Variants in CSMD2 observed in about 807,000 individuals in gnomAD.
CSMD2 encodes the protein CUB and sushi domain-containing protein 2.
Under a neutral mutation model 398.5 loss-of-function variants are expected in CSMD2, and 130 were observed. The observed-to-expected ratio is 0.33, with a 90% CI of 0.28 to 0.38. The LOEUF (loss-of-function observed/expected upper bound fraction) is 0.38, where lower values mean the gene tolerates loss of function less well. Ranked by LOEUF, CSMD2 falls within the 10% of genes least tolerant of loss-of-function variation. The probability of loss-of-function intolerance (pLI) is 1.00; values close to 1 mark genes in which losing one functional copy is unlikely to be tolerated. For synonymous variants in CSMD2, 1,828 were observed against 1,908.5 expected (o/e 0.96, Z 1.10); for missense variants, 3,829 against 4,764.9 (o/e 0.80, Z 5.78).
At position 34,116,232 on chromosome 1, in the gene CSMD2, C is replaced by T. The variant is rs150321148; in HGVS notation, c.188-27039G>A. Among the ~76,000 whole-genome samples the T allele has an allele frequency of 8.3e-4, 126 of 152,002 alleles. 1 individual carries two copies. Among genetic ancestry groups the T allele is most frequent in the African/African-American group, 2.9e-3 (119 of 41,528 alleles). ...GACTCGTTTTAGACATAAGGACATA[C>T]ATAAATGAAAAGTAAAAGAACGGAC... On this transcript the variant is annotated intron_variant, in intron 1 of 70. Coordinates refer to ENST00000373381, the MANE Select transcript of CSMD2 (RefSeq NM_001281956.2).
intron 1 of CSMD2, among the ~76,000 whole-genome samples, chr1:34,139,420 C>G (rs1037720286): frequency 1.3e-5 from 2 of 152,150 alleles, no homozygotes; most frequent in African/African-American, 4.8e-5. Context: ...GACTTCTCAG[C>G]CTCCAGAATT....
chr1:33,993,559 T>G (rs1050579329), intron 3 of CSMD2, among the ~76,000 whole-genome samples: 3 of 148,344 alleles, frequency 2.0e-5, no homozygotes, highest in African/African-American at 7.4e-5. Flanking sequence ...TCAGCCAGCC[T>G]CTCCCTCTCT....
intron 1 of CSMD2, among the ~76,000 whole-genome samples, chr1:34,109,783 T>C (rs941272569): frequency 1.3e-5 from 2 of 151,994 alleles, no homozygotes; most frequent in Admixed American, 6.6e-5. Flanking sequence ...CTCATGCCTG[T>C]AATCTCAGCA....
At chr1:33,692,882 C>T (rs12757320) in intron 25 of CSMD2, 48 bp downstream of exon 25, 601,270 of 1,595,432 alleles carry the variant, frequency 0.38, 115,634 homozygotes, top group Middle Eastern at 0.52. Flanking sequence ...CTGATGATGG[C>T]TCCCCTGAAC....
At chr1:33,746,382 G>C (rs1254742409) in intron 13 of CSMD2, among the ~76,000 whole-genome samples, 1 of 152,170 alleles carries the variant, frequency 6.6e-6, no homozygotes, top group Non-Finnish European at 1.5e-5. Flanking sequence ...AGTTTCAGAG[G>C]GAAGATGGTC....
chr1:34,057,532 C>T lies in CSMD2; in HGVS notation c.405-24826G>A, dbSNP rs548399232. 1.7e-3 allele frequency among the ~76,000 whole-genome samples: 254 copies of T among 152,260 alleles called. 1 individual carries two copies. The highest frequency in any genetic ancestry group is 2.7e-3 in the Non-Finnish European group (184 of 68,020). On this transcript the variant is annotated intron_variant, in intron 2 of 70. Transcript: ENST00000373381. ...CACTGATTGGTGTCTCAGTCCCCGC[C>T]CCCTCCCGGCAGGCAGCTCAAAGGC...
rs79581570 is a variant in CSMD2 at position 33,880,470 on chromosome 1, G to A, written c.921-33474C>T. On this transcript the variant is annotated intron_variant, in intron 5 of 70. Coordinates refer to ENST00000373381, the MANE Select transcript of CSMD2 (RefSeq NM_001281956.2). ...CTCACAGATTCAGCACTTGGACAGA[G>A]CTAGGATTTTTGAGCTAATGTGTAG... Among the ~76,000 whole-genome samples, 987 of 152,322 alleles carry A rather than the reference G, an allele frequency of 6.5e-3. 11 individuals are homozygous for A. Among genetic ancestry groups the A allele is most frequent in the African/African-American group, 0.023 (937 of 41,570 alleles).
chr1:33,662,514 C>T (rs977686830), intron 26 of CSMD2, among the ~76,000 whole-genome samples: 2 of 152,216 alleles, frequency 1.3e-5, no homozygotes, highest in Non-Finnish European at 2.9e-5. Flanking sequence ...TGGCACCTTT[C>T]CTTGTCATAG....
chr1:33,527,723 C>T (rs72660161), intron 64 of CSMD2, among the ~76,000 whole-genome samples: 3,132 of 152,212 alleles, frequency 0.021, 154 homozygotes, highest in Admixed American at 0.12. Flanking sequence ...TTGTTGTCTA[C>T]ATTCCAAATT....
chr1:34,095,833 A>G (rs1659229937), intron 1 of CSMD2, among the ~76,000 whole-genome samples: 1 of 151,594 alleles, frequency 6.6e-6, no homozygotes, highest in South Asian at 2.1e-4. Flanking sequence ...CCAGAGGTAC[A>G]AGGAGGAACT....
chr1:34,027,017 C>T (rs1194368510), intron 3 of CSMD2, among the ~76,000 whole-genome samples: 2 of 152,108 alleles, frequency 1.3e-5, no homozygotes, highest in African/African-American at 2.4e-5. Context: ...AATCTTCACA[C>T]AGAAGAAGCC....
At chr1:34,059,334 G>A (rs907471091) in intron 2 of CSMD2, among the ~76,000 whole-genome samples, 1 of 152,078 alleles carries the variant, frequency 6.6e-6, no homozygotes, top group Non-Finnish European at 1.5e-5. Flanking sequence ...CACCTTCCTG[G>A]CTCACAGCTT....
intron 53 of CSMD2, among the ~76,000 whole-genome samples, chr1:33,566,822 A>G (rs1407443990): frequency 6.6e-6 from 1 of 152,232 alleles, no homozygotes; most frequent in African/African-American, 2.4e-5. Flanking sequence ...AAAAACAGAA[A>G]CACACTAATA....
At chr1:33,967,200 C>A (rs752761607) in intron 3 of CSMD2, among the ~76,000 whole-genome samples, 1 of 149,690 alleles carries the variant, frequency 6.7e-6, no homozygotes, top group Non-Finnish European at 1.5e-5. Context: ...TTTATGGAAT[C>A]ATTAAAGGTC....
At chr1:33,564,500 T>A (rs946348892) in intron 53 of CSMD2, among the ~76,000 whole-genome samples, 1 of 152,264 alleles carries the variant, frequency 6.6e-6, no homozygotes, top group African/African-American at 2.4e-5. Flanking sequence ...ATCTGCATGT[T>A]CTTCTGGGTG....
At chr1:34,114,347 AT>A (rs1487528688) in intron 1 of CSMD2, among the ~76,000 whole-genome samples, 8 of 152,008 alleles carry the variant, frequency 5.3e-5, no homozygotes, top group Admixed American at 1.3e-4. Flanking sequence ...CACTAAAAAA[AT>A]AACAAAGCAC....
At chr1:33,974,014 C>G (rs1645868018) in intron 3 of CSMD2, among the ~76,000 whole-genome samples, 1 of 152,198 alleles carries the variant, frequency 6.6e-6, no homozygotes, top group Non-Finnish European at 1.5e-5. Context: ...TGCAAGGAGT[C>G]TGCAGAGCTG....
intron 3 of CSMD2, among the ~76,000 whole-genome samples, chr1:33,992,553 C>A (rs1646589500): frequency 6.6e-6 from 1 of 150,788 alleles, no homozygotes; most frequent in African/African-American, 2.4e-5. Context: ...CTGGAAGCAA[C>A]TTCAATGTCC....
At chr1:34,113,356 A>G (rs1366960454) in intron 1 of CSMD2, among the ~76,000 whole-genome samples, 1 of 152,256 alleles carries the variant, frequency 6.6e-6, no homozygotes, top group East Asian at 1.9e-4. Context: ...GACAGTTGTC[A>G]CAGATGCAAC....
Sources: gnomAD v4.1 joint callset for allele counts (sites outside exome capture counted in the v4.1 genomes callset) on GRCh38, gnomAD v4.1.1 for gene constraint, MANE v1.5 for transcripts, NCBI Gene and HGNC (gene_info 2026-07-23, HGNC 2026-07-21) for gene names.